The following TEX36 variants were observed in gnomAD, a reference collection of about 807,000 sequenced individuals.
TEX36 encodes the protein testis expressed 36, also known as testis-expressed protein 36.
Under a neutral mutation model 13.6 loss-of-function variants are expected in TEX36, and 12 were observed. That is an observed-to-expected ratio of 0.88 (90% CI 0.56 to 1.43). TEX36 has a LOEUF of 1.43. TEX36 is among the 40% of genes most tolerant of loss of function. The pLI, the probability that TEX36 is intolerant of heterozygous loss-of-function variation, is 0.00. For missense variants in TEX36, 224 were observed against 228.3 expected, an observed-to-expected ratio of 0.98 and a Z score of 0.12; for synonymous variants, 93 against 83.0, an observed-to-expected ratio of 1.12 and a Z score of -0.65.
chr10:125,651,587 A>C (rs1846860444), downstream of TEX36, among the ~76,000 whole-genome samples: 1 of 152,200 alleles, frequency 6.6e-6, no homozygotes, highest in Admixed American at 6.5e-5. Context: ...AAACTGGCAC[A>C]AGACAGGGAT....
intron 3 of TEX36, among the ~76,000 whole-genome samples, chr10:125,628,525 A>G (rs1349718924): frequency 6.6e-6 from 1 of 152,230 alleles, no homozygotes; most frequent in African/African-American, 2.4e-5. Context: ...AACACTGACC[A>G]GGAAAGGCTT....
At chr10:125,661,282 C>T (rs745856498) in intron 2 of TEX36, among the ~76,000 whole-genome samples, 181 bp from the exon 3 acceptor site, 7 of 152,256 alleles carry the variant, frequency 4.6e-5, no homozygotes, top group South Asian at 2.1e-4. Flanking sequence ...TGCTCATCAG[C>T]GCCGGGCTTT....
At chr10:125,627,389 C>T (rs142360817) in intron 3 of TEX36, among the ~76,000 whole-genome samples, 1,605 of 152,266 alleles carry the variant, frequency 0.011, 18 homozygotes, top group South Asian at 0.044. Flanking sequence ...GGGCAGTATT[C>T]AGCCAGTAAT....
chr10:125,590,239 A>G (rs982868903), intron 3 of TEX36, among the ~76,000 whole-genome samples: 2 of 151,936 alleles, frequency 1.3e-5, no homozygotes, highest in African/African-American at 4.8e-5. Flanking sequence ...TTTCTCCTGT[A>G]GCCAGGACTA....
chr10:125,647,679 G>A (rs1027223573), intron 3 of TEX36, among the ~76,000 whole-genome samples: 1 of 151,510 alleles, frequency 6.6e-6, no homozygotes, highest in Non-Finnish European at 1.5e-5. Context: ...TCAGACAGTG[G>A]GTGCAGCCCA....
intron 3 of TEX36, among the ~76,000 whole-genome samples, chr10:125,609,239 G>A (rs570756808): frequency 1.3e-5 from 2 of 152,134 alleles, no homozygotes; most frequent in East Asian, 1.9e-4. Flanking sequence ...CATTCTCTGT[G>A]TGGAGTTGTG....
At chr10:125,610,152 C>G (rs1846272473) in intron 3 of TEX36, among the ~76,000 whole-genome samples, 1 of 152,202 alleles carries the variant, frequency 6.6e-6, no homozygotes, top group African/African-American at 2.4e-5. Flanking sequence ...TCCCGGAAAA[C>G]TCATGAATAA....
downstream of TEX36, among the ~76,000 whole-genome samples, chr10:125,653,758 C>A (rs569629664): frequency 5.1e-4 from 78 of 152,156 alleles, no homozygotes; most frequent in Admixed American, 1.6e-3. Context: ...ACAGGAGGAC[C>A]TCTTGAGGCC....
chr10:125,620,251 T>C (rs1350357003), downstream of TEX36, among the ~76,000 whole-genome samples: 1 of 152,236 alleles, frequency 6.6e-6, no homozygotes, highest in Non-Finnish European at 1.5e-5. Context: ...CAACAAATCC[T>C]TGCGAGCACT....
chr10:125,616,754 A>G, downstream of TEX36, among the ~76,000 whole-genome samples: 1 of 129,374 alleles, frequency 7.7e-6, no homozygotes, highest in African/African-American at 3.0e-5. Context: ...AAAAAAATGT[A>G]TATTCTGTTG....
downstream of TEX36, among the ~76,000 whole-genome samples, chr10:125,617,871 C>T (rs1846378912): frequency 1.3e-5 from 2 of 152,138 alleles, no homozygotes; most frequent in South Asian, 2.1e-4. Context: ...GGATAATATC[C>T]TGCAGAGTGT....
chr10:125,646,069 C>G (rs542430788), intron 3 of TEX36, among the ~76,000 whole-genome samples: 3 of 152,124 alleles, frequency 2.0e-5, no homozygotes, highest in South Asian at 2.1e-4. Flanking sequence ...AGGCTCACAC[C>G]GATAATCCCA....
intron 3 of TEX36, among the ~76,000 whole-genome samples, chr10:125,606,662 C>T (rs933295893): frequency 1.3e-5 from 2 of 152,178 alleles, no homozygotes; most frequent in African/African-American, 4.8e-5. Context: ...AATGTAAATG[C>T]ACCAGAGTTG....
At chr10:125,666,091 T>A (rs2133600713) in intron 1 of TEX36, among the ~76,000 whole-genome samples, 1 of 152,322 alleles carries the variant, frequency 6.6e-6, no homozygotes, top group South Asian at 2.1e-4. Context: ...AGTGGGGTTT[T>A]TTTTGGTAGA....
intron 3 of TEX36, among the ~76,000 whole-genome samples, chr10:125,615,543 T>C (rs1173277033): frequency 6.6e-6 from 1 of 152,098 alleles, no homozygotes; most frequent in Admixed American, 6.5e-5. Context: ...GAGATAATCA[T>C]GTGGTTTTTG....
chr10:125,641,611 C>T (rs1481197593), intron 3 of TEX36, among the ~76,000 whole-genome samples: 1 of 152,186 alleles, frequency 6.6e-6, no homozygotes, highest in Non-Finnish European at 1.5e-5. Flanking sequence ...AACTCTAATG[C>T]ATTAAAACAG....
chr10:125,607,237 A>G (rs1411886008), intron 3 of TEX36, among the ~76,000 whole-genome samples: 1 of 152,268 alleles, frequency 6.6e-6, no homozygotes, highest in Non-Finnish European at 1.5e-5. Context: ...CTTCCAAAGC[A>G]TAAAGTCATT....
chr10:125,598,711 G>A (rs952195210), intron 3 of TEX36, among the ~76,000 whole-genome samples: 7 of 152,172 alleles, frequency 4.6e-5, no homozygotes, highest in African/African-American at 1.7e-4. Flanking sequence ...ATTCACTCTA[G>A]GAAATCAAAT....
intron 3 of TEX36, among the ~76,000 whole-genome samples, chr10:125,609,387 T>C (rs1846261697): frequency 6.6e-6 from 1 of 152,194 alleles, no homozygotes; most frequent in Admixed American, 6.5e-5. Context: ...GCACGGTTCC[T>C]CTTTTTCTTG....
Sources: allele counts gnomAD v4.1 joint callset (sites outside exome capture counted in the v4.1 genomes callset), GRCh38; gene constraint gnomAD v4.1.1; transcripts MANE v1.5; gene names NCBI Gene and HGNC (gene_info 2026-07-23, HGNC 2026-07-21).